The following SND1 variants were observed in gnomAD, a reference collection of about 807,000 sequenced individuals.
SND1 encodes the protein staphylococcal nuclease domain-containing protein 1.
SND1 carries 38 observed loss-of-function variants against 121.7 expected under a neutral mutation model. That is an observed-to-expected ratio of 0.31 (90% CI 0.24 to 0.41). The LOEUF (loss-of-function observed/expected upper bound fraction) is 0.41, where lower values mean the gene tolerates loss of function less well. SND1 is among the 10% of genes least tolerant of loss of function. SND1 has a pLI of 1.00. For synonymous variants in SND1, 401 were observed against 447.4 expected, an observed-to-expected ratio of 0.90 and a Z score of 1.31; for missense variants, 868 against 1,184.6, an observed-to-expected ratio of 0.73 and a Z score of 3.92.
chr7:127,824,963 A>G (rs1410536242), intron 11 of SND1, among the ~76,000 whole-genome samples: 1 of 152,230 alleles, frequency 6.6e-6, no homozygotes, highest in African/African-American at 2.4e-5. Flanking sequence ...GAAAGGGAGT[A>G]GAAACATGTG....
intron 15 of SND1, among the ~76,000 whole-genome samples, chr7:127,946,246 T>C (rs1801327574): frequency 6.6e-6 from 1 of 152,184 alleles, no homozygotes; most frequent in Non-Finnish European, 1.5e-5. Flanking sequence ...GGCTAAGACA[T>C]GTGATCATAG....
At position 127,843,647 on chromosome 7, in the gene SND1, A is replaced by G. The variant is rs146148699; in HGVS notation, c.1243-677A>G. ...AATTTATCCATTCACCTACTGAAGG[A>G]TATATGGATTCCTTCCACATTTTGA... On this transcript the variant is annotated intron_variant, in intron 11 of 23. Coordinates refer to ENST00000354725, the MANE Select transcript of SND1 (RefSeq NM_014390.4). 4.4e-3 allele frequency among the ~76,000 whole-genome samples: 675 copies of G among 152,310 alleles called. 7 individuals carry two copies. Among genetic ancestry groups the G allele is most frequent in the African/African-American group, 0.015 (644 of 41,564 alleles).
chr7:127,919,343 A>G (rs2116796694), intron 14 of SND1, among the ~76,000 whole-genome samples: 1 of 152,276 alleles, frequency 6.6e-6, no homozygotes, highest in South Asian at 2.1e-4. Flanking sequence ...CCTTGCCCCA[A>G]GTTCTTGATT....
At chr7:128,081,530 T>C (rs1427708751) in intron 18 of SND1, 29 bp downstream of exon 18, 1 of 1,612,088 alleles carries the variant, frequency 6.2e-7, no homozygotes, top group East Asian at 2.2e-5. Flanking sequence ...GGCTCGTGGT[T>C]CCTGGCTTGG....
At chr7:127,971,019 G>A (rs1801973332) in intron 15 of SND1, among the ~76,000 whole-genome samples, 1 of 152,194 alleles carries the variant, frequency 6.6e-6, no homozygotes, top group Non-Finnish European at 1.5e-5. Flanking sequence ...GCCATCACCT[G>A]ATCGTCTTTA....
intron 16 of SND1, chr7:128,031,072 G>A (rs1318890254): frequency 1.3e-5 from 2 of 149,002 alleles, no homozygotes; most frequent in Non-Finnish European, 3.0e-5. Flanking sequence ...GGGGAGGGAA[G>A]GGGTGGGGGA....
At chr7:127,978,848 G>A (rs1391867073) in intron 15 of SND1, among the ~76,000 whole-genome samples, 3 of 152,056 alleles carry the variant, frequency 2.0e-5, no homozygotes, top group African/African-American at 7.2e-5. Flanking sequence ...CACCACGCCT[G>A]GCCAATTTTT....
intron 12 of SND1, among the ~76,000 whole-genome samples, chr7:127,850,542 G>A (rs555532944): frequency 3.3e-5 from 5 of 152,218 alleles, no homozygotes; most frequent in Admixed American, 6.5e-5. Flanking sequence ...GATGACTTAC[G>A]CTTTAATCAT....
chr7:127,949,954 A>G (rs758156993), intron 15 of SND1, among the ~76,000 whole-genome samples: 1 of 152,036 alleles, frequency 6.6e-6, no homozygotes, highest in African/African-American at 2.4e-5. Flanking sequence ...TCTTCCTCTC[A>G]CTGTACTTGA....
chr7:127,897,020 G>A (rs529299738), intron 13 of SND1, among the ~76,000 whole-genome samples: 26 of 152,232 alleles, frequency 1.7e-4, no homozygotes, highest in Non-Finnish European at 2.9e-4. Context: ...ACAGAATTTT[G>A]TAGCTGATTG....
chr7:127,829,931 G>T (rs1282984843), intron 11 of SND1, among the ~76,000 whole-genome samples: 1 of 152,212 alleles, frequency 6.6e-6, no homozygotes, highest in African/African-American at 2.4e-5. Flanking sequence ...TCTTTTCAGT[G>T]AATTGGATAA....
intron 15 of SND1, among the ~76,000 whole-genome samples, chr7:127,984,789 A>G (rs930468747): frequency 1.3e-5 from 2 of 152,174 alleles, no homozygotes; most frequent in African/African-American, 4.8e-5. Flanking sequence ...ATCCATGAAA[A>G]TCTAATAGGA....
chr7:127,989,248 T>C (rs1802465243), intron 15 of SND1, among the ~76,000 whole-genome samples: 1 of 152,218 alleles, frequency 6.6e-6, no homozygotes, highest in South Asian at 2.1e-4. Flanking sequence ...TCCCATCTTT[T>C]CAAGGGTGGC....
intron 16 of SND1, among the ~76,000 whole-genome samples, chr7:128,004,565 G>T (rs1802915085): frequency 6.6e-6 from 1 of 152,104 alleles, no homozygotes. Flanking sequence ...CCTTTTTCTG[G>T]ACATGAGTAG....
intron 15 of SND1, among the ~76,000 whole-genome samples, chr7:127,988,557 G>A (rs1364013146): frequency 6.6e-6 from 1 of 152,152 alleles, no homozygotes; most frequent in Admixed American, 6.5e-5. Flanking sequence ...GGCCCACTGA[G>A]CCATCATGTT....
At chr7:127,682,284 C>T (rs1408564788) in intron 1 of SND1, among the ~76,000 whole-genome samples, 7 of 152,030 alleles carry the variant, frequency 4.6e-5, no homozygotes, top group Admixed American at 4.6e-4. Context: ...AATTTGAGTC[C>T]CCAATTTTCC....
chr7:127,796,120 G>A (rs1388030821), intron 10 of SND1, among the ~76,000 whole-genome samples: 11 of 151,820 alleles, frequency 7.2e-5, no homozygotes, highest in Admixed American at 7.2e-4. Context: ...GCCTCCCAAA[G>A]TGCTGATGTT....
chr7:127,822,047 A>G (rs1418341145), intron 11 of SND1, among the ~76,000 whole-genome samples: 2 of 152,176 alleles, frequency 1.3e-5, no homozygotes, highest in African/African-American at 2.4e-5. Context: ...TTTTGAGTAG[A>G]TAATGCATTT....
intron 9 of SND1, among the ~76,000 whole-genome samples, chr7:127,709,207 G>A (rs1796256585): frequency 6.6e-6 from 1 of 152,190 alleles, no homozygotes; most frequent in Non-Finnish European, 1.5e-5. Flanking sequence ...GTGGACACTT[G>A]GACATGGCTT....
Sources: allele counts gnomAD v4.1 joint callset (sites outside exome capture counted in the v4.1 genomes callset), GRCh38; gene constraint gnomAD v4.1.1; transcripts MANE v1.5; gene names NCBI Gene and HGNC (gene_info 2026-07-23, HGNC 2026-07-21).